Variants in BRWD1 observed in about 807,000 individuals in gnomAD.
The protein encoded by BRWD1 is bromodomain and WD repeat-containing protein 1.
Under a neutral mutation model 251.2 loss-of-function variants are expected in BRWD1, and 82 were observed. That is an observed-to-expected ratio of 0.33 (90% CI 0.27 to 0.39). The LOEUF is 0.39. Among genes scored for constraint, BRWD1 ranks in the 10% least tolerant of loss-of-function variants. The pLI is 1.00. For synonymous variants in BRWD1, 918 were observed against 902.8 expected (o/e 1.02, Z -0.30); for missense variants, 2,233 against 2,711.6 (o/e 0.82, Z 3.92).
At position 39,282,961 on chromosome 21, in the gene BRWD1, A is replaced by C. The variant is rs74411500; in HGVS notation, c.832-2713T>G. On this transcript the variant is annotated intron_variant, in intron 8 of 40. Transcript: ENST00000342449. ...GCAACAAGAGCGGAACTCCGTCACA[A>C]AAAAAAAAAAAAAAAGGAATTCTAA... 2.1e-5 allele frequency among the ~76,000 whole-genome samples: 3 copies of C among 145,522 alleles called. No homozygotes were observed. The South Asian group carries it at 6.4e-4, about 31-fold the overall frequency.
chr21:39,247,114 G>C (rs551001088), intron 21 of BRWD1, among the ~76,000 whole-genome samples: 2 of 151,614 alleles, frequency 1.3e-5, no homozygotes, highest in Admixed American at 1.3e-4. Context: ...AAAATGTCCA[G>C]AACAGGCAAA....
chr21:39,226,019 G>C (rs2033368574), intron 27 of BRWD1, among the ~76,000 whole-genome samples: 1 of 151,934 alleles, frequency 6.6e-6, no homozygotes, highest in Non-Finnish European at 1.5e-5. Context: ...ATTTTGAGAG[G>C]CCAAACATAA....
chr21:39,309,929 A>T (rs2036423808), intron 4 of BRWD1, among the ~76,000 whole-genome samples: 1 of 151,916 alleles, frequency 6.6e-6, no homozygotes, highest in African/African-American at 2.4e-5. Flanking sequence ...CTTATTTTTT[A>T]GAGATGAACT....
At chr21:39,303,220 C>T (rs1325348057) in intron 4 of BRWD1, among the ~76,000 whole-genome samples, 1 of 151,434 alleles carries the variant, frequency 6.6e-6, no homozygotes, top group Non-Finnish European at 1.5e-5. Context: ...GGATATATAA[C>T]TAAAAAGAAA....
chr21:39,253,638 A>G (rs2034470066), intron 19 of BRWD1, among the ~76,000 whole-genome samples: 1 of 152,168 alleles, frequency 6.6e-6, no homozygotes, highest in Non-Finnish European at 1.5e-5. Flanking sequence ...TTTGCTTTTC[A>G]CTATTTTCTA....
At chr21:39,298,164 T>G in intron 5 of BRWD1, 2 of 1,094,254 alleles carry the variant, frequency 1.8e-6, no homozygotes, top group Non-Finnish European at 2.2e-6. Flanking sequence ...GAACTCACAT[T>G]GATAAAACCT....
Position 39,219,582 on chromosome 21 carries a change from G to A in BRWD1, c.3383-922C>T, listed in dbSNP as rs537341396. The A allele has an allele frequency of 3.3e-5, 5 of 152,364 alleles. No individual in the cohort carries two copies. In the South Asian group the frequency reaches 1.0e-3, roughly 32 times the overall value. 9.4% of individuals were successfully genotyped at this position (152,364 alleles called of 1,614,324 possible). On this transcript the variant is annotated intron_variant, in intron 29 of 40. Coordinates refer to ENST00000342449, the MANE Select transcript of BRWD1 (RefSeq NM_033656.4). The stretch of plus-strand genomic sequence containing the variant: ...AATGAGGGAACAAGGGCATTGGGAA[G>A]AGCATCATTTTAACAGCTGCTAAAT...
intron 4 of BRWD1, among the ~76,000 whole-genome samples, chr21:39,308,725 G>C (rs1186306920): frequency 6.6e-6 from 1 of 152,096 alleles, no homozygotes; most frequent in African/African-American, 2.4e-5. Flanking sequence ...ATTCTCATCT[G>C]AAGATGAAAA....
chr21:39,271,412 G>A (rs752923862), intron 13 of BRWD1, among the ~76,000 whole-genome samples: 12 of 146,580 alleles, frequency 8.2e-5, no homozygotes, highest in East Asian at 2.1e-4. Context: ...AGCATCGGCC[G>A]GGCACGGTGG....
rs1290926414 is a variant in BRWD1, at chr21:39,195,716, G to C, written c.*543C>G. On this transcript the variant is annotated 3_prime_UTR_variant, in exon 41 of 41. Coordinates refer to ENST00000342449, the MANE Select transcript of BRWD1 (RefSeq NM_033656.4). ...TGAAAGTGACCAGATCTGGTATAAT[G>C]CATTCTACTCAAGTAGCCAGGGGAA... 3 of 982,706 alleles carry C rather than the reference G, an allele frequency of 3.1e-6. No homozygotes were observed. The highest frequency in any genetic ancestry group is 3.6e-6 in the Non-Finnish European group (3 of 829,208). The allele number at this position is 982,706 out of a possible 1,614,324, so 60.9% of individuals were successfully genotyped here. A position where few individuals can be genotyped will look rare whatever the true frequency, so the allele number is the denominator to read the frequency against.
At chr21:39,264,289 A>G (rs1350382987) in intron 17 of BRWD1, among the ~76,000 whole-genome samples, 171 bp downstream of exon 17, 1 of 152,092 alleles carries the variant, frequency 6.6e-6, no homozygotes. Flanking sequence ...TAAATGGTAC[A>G]TGAGGTCCAG....
intron 19 of BRWD1, among the ~76,000 whole-genome samples, chr21:39,253,351 A>C (rs2146618892): frequency 6.6e-6 from 1 of 151,692 alleles, no homozygotes; most frequent in East Asian, 1.9e-4. Context: ...TGAGAAACAC[A>C]GGAGTCTAAG....
chr21:39,316,381 T>G (rs184908773), upstream of BRWD1, among the ~76,000 whole-genome samples: 1 of 152,264 alleles, frequency 6.6e-6, no homozygotes, highest in African/African-American at 2.4e-5. Flanking sequence ...ACTTGATTAT[T>G]TGAAGTTACA....
chr21:39,195,484 A>C lies in BRWD1; in HGVS notation c.*775T>G. ...CCAGGAGATCTTGGACAGAAGACAG[A>C]TTATATAGCATTTTGTTAGTGCACA... On this transcript the variant is annotated 3_prime_UTR_variant, in exon 41 of 41. Coordinates refer to ENST00000342449, the MANE Select transcript of BRWD1 (RefSeq NM_033656.4). 1.0e-6 allele frequency: 1 copy of C among 985,406 alleles called. No homozygotes were observed. The highest frequency in any genetic ancestry group is 1.2e-6 in the Non-Finnish European group (1 of 829,578). 61.0% of individuals were successfully genotyped at this position (985,406 alleles called of 1,614,324 possible).
intron 36 of BRWD1, 88 bp from the exon 37 acceptor site, chr21:39,206,362 G>A: frequency 3.0e-6 from 3 of 1,006,114 alleles, no homozygotes; most frequent in Non-Finnish European, 4.2e-6. Context: ...CCCTTGCAAT[G>A]TATTATATCA....
chr21:39,199,761 C>T (rs2032014839), intron 39 of BRWD1, 99 bp from the exon 40 acceptor site: 9 of 1,210,700 alleles, frequency 7.4e-6, no homozygotes, highest in East Asian at 2.6e-5. Context: ...TTTTGGGGGG[C>T]GGGGAGGAGA....
rs781404994 is a variant in BRWD1, at chr21:39,198,793, T to C, written c.5623A>G (p.Lys1875Glu). 2.5e-6 allele frequency: 4 copies of C among 1,590,912 alleles called. No individual in the cohort carries two copies. In the East Asian group the frequency reaches 8.9e-5, roughly 36 times the overall value. The part of the protein sequence containing the change: ...CETDLDSDDD[K>E]IEKPNNFMKD... ...ATAAAATTGTTTGGTTTTTCTATTT[T>C]GTCATCATCTGAATCTAAATCAGTT... is the stretch of plus-strand genomic sequence containing the variant. The change falls in exon 40 of 41, where the codon AAA (lysine) becomes GAA (glutamate). Residue 1875 changes from lysine to glutamate, a missense_variant. By Grantham distance (56) the Lys-to-Glu change is moderately conservative (BLOSUM62 1). Transcript: ENST00000342449.
chr21:39,198,550 G>A (rs2031938533), intron 40 of BRWD1, among the ~76,000 whole-genome samples: 1 of 152,070 alleles, frequency 6.6e-6, no homozygotes, highest in Admixed American at 6.5e-5. Context: ...TGCCTGTTAG[G>A]TGAATAAAAT....
In BRWD1 at chr21:39,190,287, C is replaced by A; in HGVS notation, c.*5972G>T. 1.0e-6 allele frequency: 1 copy of A among 984,560 alleles called. No homozygotes were observed. Among genetic ancestry groups the A allele is most frequent in the East Asian group, 1.1e-4 (1 of 8,800 alleles). 61.0% of individuals were successfully genotyped at this position (984,560 alleles called of 1,614,324 possible). A position where few individuals can be genotyped will look rare whatever the true frequency, so the allele number is the denominator to read the frequency against. ...AGATTCTGCACAATATTTCATCATA[C>A]AAAACTGTTTTCCTAAATTCAAAGT... is the stretch of plus-strand genomic sequence containing the variant. On this transcript the variant is annotated 3_prime_UTR_variant, in exon 41 of 41. Transcript: ENST00000342449.
Sources: allele counts gnomAD v4.1 joint callset (sites outside exome capture counted in the v4.1 genomes callset), GRCh38; gene constraint gnomAD v4.1.1; transcripts MANE v1.5; gene names NCBI Gene and HGNC (gene_info 2026-07-23, HGNC 2026-07-21).